PITPNA: variants seen among roughly 807,000 people sequenced by gnomAD.
The protein encoded by PITPNA is phosphatidylinositol transfer protein alpha, also known as phosphatidylinositol transfer protein alpha isoform.
A neutral mutation model predicts 50.3 loss-of-function variants in PITPNA; 13 were observed. That is an observed-to-expected ratio of 0.26 (90% confidence interval 0.17 to 0.41). PITPNA has a LOEUF of 0.41. Among genes scored for constraint, PITPNA ranks in the 10% least tolerant of loss-of-function variants. PITPNA has a pLI of 1.00. For missense variants in PITPNA, 207 were observed against 333.4 expected (o/e 0.62, Z 2.95); for synonymous variants, 120 against 119.6 (o/e 1.00, Z -0.02).
intron 10 of PITPNA, among the ~76,000 whole-genome samples, chr17:1,524,751 A>C (rs1315109917): frequency 1.3e-5 from 2 of 151,550 alleles, no homozygotes; most frequent in African/African-American, 4.8e-5. Context: ...TGGGAGGCTG[A>C]GGCAGGAGAA....
At chr17:1,543,630 A>G (rs1322086348) in intron 4 of PITPNA, among the ~76,000 whole-genome samples, 1 of 152,122 alleles carries the variant, frequency 6.6e-6, no homozygotes, top group East Asian at 1.9e-4. Context: ...TACCCTCTGA[A>G]TTTAGGACCT....
chr17:1,555,841 G>A (rs886969771), intron 2 of PITPNA, among the ~76,000 whole-genome samples: 3 of 152,198 alleles, frequency 2.0e-5, no homozygotes, highest in African/African-American at 7.2e-5. Flanking sequence ...CAAACAGCCA[G>A]GGCTTTCTCG....
chr17:1,532,431 C>CT (rs2075589654), intron 10 of PITPNA, among the ~76,000 whole-genome samples: 1 of 152,136 alleles, frequency 6.6e-6, no homozygotes, highest in Admixed American at 6.5e-5. Flanking sequence ...AAATAACTCT[C>CT]TAACACTGAG....
intron 3 of PITPNA, among the ~76,000 whole-genome samples, chr17:1,549,562 C>T (rs8079121): frequency 4.1e-5 from 6 of 144,680 alleles, no homozygotes; most frequent in African/African-American, 7.8e-5. Context: ...ATGATCTGCC[C>T]GCCTCAGCCT....
intron 4 of PITPNA, among the ~76,000 whole-genome samples, chr17:1,544,988 G>A (rs2075665564): frequency 6.6e-6 from 1 of 152,060 alleles, no homozygotes; most frequent in Non-Finnish European, 1.5e-5. Flanking sequence ...ATGAGACTCT[G>A]TCTCAAAAAA....
At chr17:1,557,825 A>G (rs114076277) in intron 2 of PITPNA, among the ~76,000 whole-genome samples, 3,434 of 152,218 alleles carry the variant, frequency 0.023, 61 homozygotes, top group African/African-American at 0.049. Context: ...GGCTAGGGAG[A>G]GCCTCAAGAG....
At chr17:1,536,432 T>C (rs182557236) in intron 7 of PITPNA, among the ~76,000 whole-genome samples, 55 of 144,426 alleles carry the variant, frequency 3.8e-4, no homozygotes, top group East Asian at 2.1e-3. Flanking sequence ...GGACGACAGG[T>C]GCCCGCCACC....
rs980010413 is a variant in PITPNA, at chr17:1,558,102, A to G, written c.51+427T>C. 4.6e-5 allele frequency among the ~76,000 whole-genome samples: 7 copies of G among 152,162 alleles called. 1 individual carries two copies. Among genetic ancestry groups the G allele is most frequent in the African/African-American group, 1.7e-4 (7 of 41,496 alleles). On this transcript the variant is annotated intron_variant, in intron 2 of 11. Coordinates refer to ENST00000313486, the MANE Select transcript of PITPNA (RefSeq NM_006224.4). ...AAAAATTAGCCGGGTGTGGTGGCAC[A>G]CACCTGTAATCCCGGCTACTTGGGA...
chr17:1,529,676 G>A (rs545933109), intron 10 of PITPNA, among the ~76,000 whole-genome samples: 1 of 151,594 alleles, frequency 6.6e-6, no homozygotes. Flanking sequence ...GCAACATGGG[G>A]AAACCCTGTC....
At chr17:1,521,253 G>A (rs1473685873) in intron 11 of PITPNA, among the ~76,000 whole-genome samples, 1 of 152,198 alleles carries the variant, frequency 6.6e-6, no homozygotes, top group African/African-American at 2.4e-5. Context: ...GGAAGGCCAG[G>A]GAGTGCCCAA....
At position 1,562,091 on chromosome 17, in the gene PITPNA, G is replaced by A. The variant is rs1049697444; in HGVS notation, c.20+450C>T. ...CGTCCCCTCGGCCTCCCCCAGTCCC[G>A]GGCCAGCTCTCCCTGCCCTGACCCC... On this transcript the variant is annotated intron_variant, in intron 1 of 11. Coordinates refer to ENST00000313486, the MANE Select transcript of PITPNA (RefSeq NM_006224.4). This position sits in a 1 kb window ranked among gnomAD's most constrained non-coding sequence, Gnocchi z 6.4. Among the ~76,000 whole-genome samples, 5 of 151,972 alleles carry A rather than the reference G, an allele frequency of 3.3e-5. No homozygotes were observed. The highest frequency in any genetic ancestry group is 3.2e-3 in the Middle Eastern group (1 of 314).
intron 8 of PITPNA, 45 bp downstream of exon 8, chr17:1,535,396 C>G (rs1301946151): frequency 6.5e-7 from 1 of 1,549,298 alleles, no homozygotes; most frequent in East Asian, 2.2e-5. Flanking sequence ...GAGCGGCCCA[C>G]CCACATGCTG....
chr17:1,545,619 C>T (rs779096802), intron 4 of PITPNA, among the ~76,000 whole-genome samples: 22 of 152,312 alleles, frequency 1.4e-4, no homozygotes, highest in Non-Finnish European at 2.6e-4. Context: ...GCTCCAGTGG[C>T]GCAATTGGTT....
chr17:1,555,723 C>T (rs566864866), intron 2 of PITPNA, among the ~76,000 whole-genome samples: 26 of 152,250 alleles, frequency 1.7e-4, no homozygotes, highest in Non-Finnish European at 2.8e-4. Context: ...CCAACATGGC[C>T]CTGTCAGGCT....
At chr17:1,537,030 C>G (rs1390565242) in intron 7 of PITPNA, among the ~76,000 whole-genome samples, 1 of 151,760 alleles carries the variant, frequency 6.6e-6, no homozygotes, top group African/African-American at 2.4e-5. Context: ...TCCCAAGTAG[C>G]TGGAATTATA....
intron 10 of PITPNA, among the ~76,000 whole-genome samples, chr17:1,532,938 GT>G (rs2075593319): frequency 6.6e-6 from 1 of 152,238 alleles, no homozygotes; most frequent in Admixed American, 6.5e-5. Flanking sequence ...GGTAAAAACA[GT>G]TCCCTGCGGG....
Position 1,551,192 on chromosome 17 carries a change from G to A in PITPNA, c.197+1812C>T, listed in dbSNP as rs986118057. Reference sequence around the variant, plus strand: ...GCAGGGGAGCTCTGCTTTCTGCTTTGGGCAGCCAGATGGCTGACACAGTAA... The same window carrying A: ...GCAGGGGAGCTCTGCTTTCTGCTTTAGGCAGCCAGATGGCTGACACAGTAA... On this transcript the variant is annotated intron_variant, in intron 3 of 11. Transcript: ENST00000313486. Among the ~76,000 whole-genome samples, 18 of 152,228 alleles carry A rather than the reference G, an allele frequency of 1.2e-4. 1 individual carries two copies. The highest frequency in any genetic ancestry group is 2.0e-4 in the Admixed American group (3 of 15,288).
chr17:1,527,769 T>C (rs945971245), intron 10 of PITPNA, among the ~76,000 whole-genome samples: 5 of 152,282 alleles, frequency 3.3e-5, no homozygotes, highest in African/African-American at 9.6e-5. Flanking sequence ...CATTGTACTA[T>C]AGTTTTGCAA....
chr17:1,535,685 C>G (rs1276725058), intron 7 of PITPNA, 167 bp from the exon 8 acceptor site: 1 of 625,936 alleles, frequency 1.6e-6, no homozygotes, highest in Non-Finnish European at 2.9e-6. Context: ...TTTACATTAG[C>G]CTCAGAGGAG....
Sources: gnomAD v4.1 joint callset for allele counts (sites outside exome capture counted in the v4.1 genomes callset) on GRCh38, gnomAD v4.1.1 for gene constraint, Gnocchi (gnomAD v3.1) non-coding constraint, MANE v1.5 for transcripts, NCBI Gene and HGNC (gene_info 2026-07-23, HGNC 2026-07-21) for gene names.